Variants in PCDHA6 observed in about 807,000 individuals in gnomAD.
PCDHA6 encodes protocadherin alpha-6.
PCDHA6 carries 55 observed loss-of-function variants against 60.3 expected under a neutral mutation model. That is an observed-to-expected ratio of 0.91 (90% CI 0.73 to 1.14). The LOEUF is 1.14. Among genes scored for constraint, PCDHA6 ranks in the 50% most tolerant of loss-of-function variants. PCDHA6 has a pLI of 0.00. For synonymous variants in PCDHA6, 652 were observed against 557.9 expected (o/e 1.17, Z -2.38); for missense variants, 1,327 against 1,256.5 (o/e 1.06, Z -0.85).
At chr5:140,989,890 G>A (rs368567650) in intron 3 of PCDHA6, among the ~76,000 whole-genome samples, 5 of 151,974 alleles carry the variant, frequency 3.3e-5, no homozygotes, top group Middle Eastern at 3.4e-3. Context: ...TGGAGTCTCC[G>A]TTATTCACAA....
chr5:140,922,177 A>G (rs1194396252), intron 1 of PCDHA6, among the ~76,000 whole-genome samples: 1 of 69,034 alleles, frequency 1.4e-5, no homozygotes, highest in Non-Finnish European at 3.3e-5. Context: ...TACAGCAGAC[A>G]AAAAAAAAGT....
At chr5:140,897,339 C>G (rs1373496877) in intron 1 of PCDHA6, among the ~76,000 whole-genome samples, 14 of 121,352 alleles carry the variant, frequency 1.2e-4, no homozygotes, top group African/African-American at 4.4e-4. Context: ...CCCCCTCCCC[C>G]CACCCCACAA....
intron 1 of PCDHA6, chr5:140,871,260 G>T (rs761268820): frequency 1.4e-5 from 22 of 1,613,980 alleles, no homozygotes; most frequent in Admixed American, 8.3e-5. Context: ...TGTATACGGC[G>T]CTGTGGTGGT....
At chr5:140,969,847 A>G (rs2096364168) in intron 1 of PCDHA6, among the ~76,000 whole-genome samples, 1 of 152,150 alleles carries the variant, frequency 6.6e-6, no homozygotes. Flanking sequence ...TATCTAGTTA[A>G]TATTTCTGGT....
At chr5:140,991,539 C>T (rs1458315356) in intron 3 of PCDHA6, among the ~76,000 whole-genome samples, 3 of 152,164 alleles carry the variant, frequency 2.0e-5, no homozygotes, top group Admixed American at 6.6e-5. Context: ...CACTATATAA[C>T]AAGGATCCAC....
At position 140,863,948 on chromosome 5, in the gene PCDHA6, C is replaced by T. The variant is rs782241873; in HGVS notation, c.2394+33463C>T. On this transcript the variant is annotated intron_variant, in intron 1 of 3. Transcript: ENST00000529310. ...CCTAGGAGGCAGAGGTTGCGGTGAG[C>T]CTAGATTAGGCCACTGCACTACAGC... is the stretch of plus-strand genomic sequence containing the variant. 1.5e-3 allele frequency: 237 copies of T among 158,844 alleles called. 8 individuals carry two copies. The highest frequency in any genetic ancestry group is 2.3e-3 in the Admixed American group (40 of 17,122). 9.8% of individuals were successfully genotyped at this position (158,844 alleles called of 1,614,324 possible). A position where few individuals can be genotyped will look rare whatever the true frequency, so the allele number is the denominator to read the frequency against.
intron 1 of PCDHA6, 119 bp from the exon 2 acceptor site, chr5:140,978,830 C>A: frequency 1.3e-6 from 2 of 1,535,340 alleles, no homozygotes; most frequent in Non-Finnish European, 1.8e-6. Context: ...TGAAATGGCT[C>A]ATTCAATACT....
At chr5:140,842,857 G>C in intron 1 of PCDHA6, 1 of 1,594,002 alleles carries the variant, frequency 6.3e-7, no homozygotes, top group Non-Finnish European at 8.6e-7. Flanking sequence ...CGGTGCACAC[G>C]GAGAGCGGCA....
intron 1 of PCDHA6, chr5:140,843,801 C>T: frequency 7.6e-7 from 1 of 1,311,536 alleles, no homozygotes; most frequent in Non-Finnish European, 1.1e-6. Context: ...AGTTTTTCAC[C>T]GTATTTTATA....
intron 1 of PCDHA6, among the ~76,000 whole-genome samples, chr5:140,944,186 GTTT>G (rs2093621428): frequency 6.6e-6 from 1 of 151,986 alleles, no homozygotes. Flanking sequence ...TTGTTGGTTT[GTTT>G]TGTTTTGTTT....
In PCDHA6 at chr5:140,829,824, G is replaced by T; in HGVS notation, c.1733G>T (p.Ser578Ile). ...PRVGGTGGAV[S>I]ELVPRSLGAG... ...GTGGGTGGTACTGGTGGTGCAGTGAGCGAGCTGGTGCCGCGGTCACTGGGT... is the reference window on the plus strand; with the variant it reads ...GTGGGTGGTACTGGTGGTGCAGTGATCGAGCTGGTGCCGCGGTCACTGGGT... Residue 578 changes from serine to isoleucine, a missense_variant, in exon 1 of 4, where the codon AGC (serine) becomes ATC (isoleucine). By Grantham distance (142) the Ser-to-Ile change is moderately radical (BLOSUM62 -2). Transcript: ENST00000529310. The T allele has an allele frequency of 1.2e-6, 2 of 1,613,914 alleles. No homozygotes were observed. The highest frequency in any genetic ancestry group is 1.7e-6 in the Non-Finnish European group (2 of 1,179,886).
chr5:140,836,312 G>A, intron 1 of PCDHA6: 1 of 1,613,712 alleles, frequency 6.2e-7, no homozygotes, highest in Non-Finnish European at 8.5e-7. Flanking sequence ...CGGACGCACC[G>A]CGCCACCGCC....
At chr5:140,843,511 C>CG in intron 1 of PCDHA6, 2 of 1,595,670 alleles carry the variant, frequency 1.3e-6, no homozygotes, top group Non-Finnish European at 1.7e-6. Flanking sequence ...CCACTGAGGG[C>CG]GGGTGCCGGG....
At chr5:140,836,286 C>T (rs146878440) in intron 1 of PCDHA6, 2 of 1,613,774 alleles carry the variant, frequency 1.2e-6, no homozygotes, top group South Asian at 1.1e-5. Context: ...CAGCACGACA[C>T]GAGCCCTAGA....
At chr5:140,989,101 A>G (rs1293454775) in intron 3 of PCDHA6, 1 of 152,216 alleles carries the variant, frequency 6.6e-6, no homozygotes, top group African/African-American at 2.4e-5. Flanking sequence ...AGGAGAAACA[A>G]CTTTTGAATA....
chr5:140,998,497 G>A (rs1367409428), intron 3 of PCDHA6, among the ~76,000 whole-genome samples: 2 of 152,090 alleles, frequency 1.3e-5, no homozygotes, highest in East Asian at 3.8e-4. Flanking sequence ...TTTGAGAACA[G>A]GGTACTTGTC....
chr5:140,836,520 C>T (rs1450136766), intron 1 of PCDHA6: 2 of 1,613,738 alleles, frequency 1.2e-6, no homozygotes, highest in Admixed American at 1.7e-5. Context: ...TCTGTTGGTG[C>T]TTACCCTGCT....
At chr5:140,850,905 A>G in intron 1 of PCDHA6, 1 of 1,550,536 alleles carries the variant, frequency 6.4e-7, no homozygotes, top group Non-Finnish European at 8.7e-7. Context: ...TTTTTCTAGC[A>G]TTTTATTTAT....
chr5:140,848,815 A>G, intron 1 of PCDHA6: 4 of 1,591,096 alleles, frequency 2.5e-6, no homozygotes, highest in Non-Finnish European at 2.6e-6. Context: ...ATCCACCTGG[A>G]GGTGATCGTA....
Sources: gnomAD v4.1 joint callset for allele counts (sites outside exome capture counted in the v4.1 genomes callset) on GRCh38, gnomAD v4.1.1 for gene constraint, MANE v1.5 for transcripts, NCBI Gene and HGNC (gene_info 2026-07-23, HGNC 2026-07-21) for gene names.